UTS2B: variants seen among roughly 807,000 people sequenced by gnomAD.
UTS2B encodes urotensin 2B, also known as urotensin-2B.
A neutral mutation model predicts 19.2 loss-of-function variants in UTS2B; 21 were observed. The ratio of observed to expected loss-of-function variants is 1.09; its 90% CI spans 0.78 to 1.58. The LOEUF is 1.58. Among genes scored for constraint, UTS2B ranks in the 40% most tolerant of loss-of-function variants. The pLI is 0.00. For synonymous variants in UTS2B, 57 were observed against 50.2 expected, an observed-to-expected ratio of 1.14 and a Z score of -0.58; for missense variants, 138 against 130.3, an observed-to-expected ratio of 1.06 and a Z score of -0.29.
At chr3:191,285,448 C>A (rs1408643390) in intron 4 of UTS2B, among the ~76,000 whole-genome samples, 3 of 151,936 alleles carry the variant, frequency 2.0e-5, no homozygotes, top group Non-Finnish European at 2.9e-5. Flanking sequence ...TACAAAACAA[C>A]CAAAAAACAA....
chr3:191,300,731 G>A (rs897194877), intron 4 of UTS2B, among the ~76,000 whole-genome samples: 2 of 152,312 alleles, frequency 1.3e-5, no homozygotes, highest in African/African-American at 4.8e-5. Context: ...TTCCCCCTTT[G>A]GGGCTGTTCT....
At position 191,328,681 on chromosome 3, in the gene UTS2B, T is replaced by C. The variant is rs1013511650; in HGVS notation, c.-636A>G. The C allele has an allele frequency of 6.6e-6, 1 of 152,166 alleles. No homozygotes were observed. 9.4% of individuals were successfully genotyped at this position (152,166 alleles called of 1,614,324 possible). A position where few individuals can be genotyped will look rare whatever the true frequency, so the allele number is the denominator to read the frequency against. ...TTTCCCAAAAGGAGGATGCATTCTG[T>C]TGCCAGGAGATGAAACAGGAGAGGT... is the stretch of plus-strand genomic sequence containing the variant. On this transcript the variant is annotated 5_prime_UTR_variant, in exon 2 of 9. Coordinates refer to ENST00000340524, the MANE Select transcript of UTS2B (RefSeq NM_198152.5).
intron 4 of UTS2B, among the ~76,000 whole-genome samples, chr3:191,302,822 A>G (rs1344117147): frequency 6.6e-6 from 1 of 152,130 alleles, no homozygotes; most frequent in Non-Finnish European, 1.5e-5. Context: ...CTAAAGGAGA[A>G]ACAAGGCCTC....
upstream of UTS2B, among the ~76,000 whole-genome samples, chr3:191,333,483 A>G (rs148516643): frequency 5.9e-5 from 9 of 152,294 alleles, 1 homozygote; most frequent in African/African-American, 2.2e-4. Flanking sequence ...AGATGTACAT[A>G]TATCTGGCTA....
In UTS2B at chr3:191,298,099, G is replaced by A. The variant is rs1234431423; in HGVS notation, c.-125+6393C>T. The stretch of plus-strand genomic sequence containing the variant: ...TATCATCAACTGTTGCCTAGTTGTA[G>A]CATATATATTCATCTTTTTATTTTT... On this transcript the variant is annotated intron_variant, in intron 4 of 8. Coordinates refer to ENST00000340524, the MANE Select transcript of UTS2B (RefSeq NM_198152.5). Among the ~76,000 whole-genome samples the A allele has an allele frequency of 2.0e-5, 3 of 152,096 alleles. No homozygotes were observed. In the East Asian group the frequency reaches 5.8e-4, roughly 29 times the overall value.
chr3:191,334,133 C>G (rs371083409), upstream of UTS2B, among the ~76,000 whole-genome samples: 40 of 152,126 alleles, frequency 2.6e-4, 1 homozygote, highest in East Asian at 6.8e-3. Flanking sequence ...AGATAATTTG[C>G]ATATCTGCTG....
At chr3:191,327,486 G>A (rs1354797236) in intron 2 of UTS2B, among the ~76,000 whole-genome samples, 1 of 152,168 alleles carries the variant, frequency 6.6e-6, no homozygotes, top group Admixed American at 6.5e-5. Context: ...AGGCCTGAAG[G>A]GACACTGGAA....
At chr3:191,345,888 A>G in the UTS2B span, among the ~76,000 whole-genome samples, 2 of 152,142 alleles carry the variant, frequency 1.3e-5, no homozygotes, top group African/African-American at 2.4e-5. Context: ...ACTTATGCTT[A>G]TTACCCTTGT....
intron 2 of UTS2B, among the ~76,000 whole-genome samples, chr3:191,327,222 G>C (rs560122598): frequency 6.6e-6 from 1 of 152,216 alleles, no homozygotes; most frequent in Non-Finnish European, 1.5e-5. Flanking sequence ...GAGGCCGGGC[G>C]TGGTGGCTCG....
At chr3:191,319,136 G>A (rs1300358600) in intron 2 of UTS2B, among the ~76,000 whole-genome samples, 1 of 151,662 alleles carries the variant, frequency 6.6e-6, no homozygotes, top group East Asian at 1.9e-4. Flanking sequence ...CCTTGCATTA[G>A]CTCCTTGTAC....
At chr3:191,285,224 T>G (rs558035381) in intron 4 of UTS2B, among the ~76,000 whole-genome samples, 1 of 108,968 alleles carries the variant, frequency 9.2e-6, no homozygotes, top group Non-Finnish European at 2.3e-5. Flanking sequence ...TAAGTAAAAG[T>G]GTAGAGTTAT....
At chr3:191,314,594 C>A (rs1717397015) in intron 3 of UTS2B, among the ~76,000 whole-genome samples, 1 of 152,152 alleles carries the variant, frequency 6.6e-6, no homozygotes, top group Non-Finnish European at 1.5e-5. Flanking sequence ...TAATGACAAG[C>A]AGCCCCTATG....
rs1480325611 is a variant in UTS2B at position 191,267,761 on chromosome 3, A to G, written c.*655T>C. On this transcript the variant is annotated 3_prime_UTR_variant, in exon 9 of 9. Transcript: ENST00000340524. ...TAACATTTGTATGTAGAAGTACAGT[A>G]CATTTGTATGTAGAAGTACAGTATA... 5 of 151,772 alleles carry G rather than the reference A, an allele frequency of 3.3e-5. No individual in the cohort carries two copies. The highest frequency in any genetic ancestry group is 7.3e-5 in the African/African-American group (3 of 41,346). 9.4% of individuals were successfully genotyped at this position (151,772 alleles called of 1,614,324 possible).
chr3:191,296,345 C>T (rs575872028), intron 4 of UTS2B, among the ~76,000 whole-genome samples: 2 of 152,262 alleles, frequency 1.3e-5, no homozygotes, highest in South Asian at 2.1e-4. Flanking sequence ...CAAAATCTCC[C>T]CTGATTTCTC....
At chr3:191,277,934 T>C (rs1716279625) in intron 6 of UTS2B, 138 bp downstream of exon 6, 3 of 484,544 alleles carry the variant, frequency 6.2e-6, no homozygotes, top group South Asian at 8.5e-5. Flanking sequence ...AACAAAAAAA[T>C]CACTTAAATC....
At chr3:191,334,418 C>T (rs549356777), upstream of UTS2B, among the ~76,000 whole-genome samples, 1 of 152,190 alleles carries the variant, frequency 6.6e-6, no homozygotes, top group African/African-American at 2.4e-5. Flanking sequence ...ACTTAACGGA[C>T]GACTCACACG....
intron 8 of UTS2B, chr3:191,273,401 TTGG>T: frequency 2.2e-6 from 1 of 447,708 alleles, no homozygotes. Flanking sequence ...TTGCCATATG[TTGG>T]TGGTAGTCCC....
chr3:191,334,513 A>G (rs547689966), upstream of UTS2B, among the ~76,000 whole-genome samples: 3 of 152,264 alleles, frequency 2.0e-5, no homozygotes, highest in African/African-American at 7.2e-5. Context: ...CAACTTCCTT[A>G]TTTTCCAGAT....
intron 1 of UTS2B, chr3:191,329,331 C>A (rs1717853187): frequency 3.7e-6 from 1 of 271,430 alleles, no homozygotes; most frequent in Non-Finnish European, 6.8e-6. Flanking sequence ...AGCTCCCCCT[C>A]CCCCAGCCGG....
Sources: allele counts gnomAD v4.1 joint callset (sites outside exome capture counted in the v4.1 genomes callset), GRCh38; gene constraint gnomAD v4.1.1; transcripts MANE v1.5; gene names NCBI Gene and HGNC (gene_info 2026-07-23, HGNC 2026-07-21).